The following ABI2 variants were observed in gnomAD, a reference collection of about 807,000 sequenced individuals.
ABI2 encodes the protein abl interactor 2, also known as abelson interactor 2.
ABI2 carries 25 observed loss-of-function variants against 59.2 expected under a neutral mutation model. The ratio of observed to expected loss-of-function variants is 0.42; its 90% confidence interval spans 0.31 to 0.59. The LOEUF is 0.59. ABI2 is among the 20% of genes least tolerant of loss of function. ABI2 has a pLI of 0.14. For missense variants in ABI2, 545 were observed against 681.8 expected (o/e 0.80, Z 2.23); for synonymous variants, 213 against 235.5 (o/e 0.90, Z 0.87).
At chr2:203,374,734 C>G in intron 2 of ABI2, 1 of 417,660 alleles carries the variant, frequency 2.4e-6, no homozygotes, top group East Asian at 7.4e-5. Context: ...TTATTTGAAA[C>G]ATTAGCTTAC....
In ABI2 at chr2:203,351,755, C is replaced by G. The variant is rs184715846; in HGVS notation, c.118-15122C>G. The stretch of plus-strand genomic sequence containing the variant: ...CTCACTTCATTGCTCAGGCTGGTCC[C>G]AAACTCCTGGCCTCAAGCAGTCCTC... On this transcript the variant is annotated intron_variant, in intron 1 of 11. Transcript: ENST00000261018. 794 of 290,242 alleles carry G rather than the reference C, an allele frequency of 2.7e-3. 7 individuals are homozygous for G. The highest frequency in any genetic ancestry group is 0.017 in the African/African-American group (749 of 43,552). The allele number at this position is 290,242 out of a possible 1,614,324, so 18.0% of individuals were successfully genotyped here. A position where few individuals can be genotyped will look rare whatever the true frequency, so the allele number is the denominator to read the frequency against.
intron 1 of ABI2, among the ~76,000 whole-genome samples, chr2:203,332,546 A>G (rs922942883): frequency 6.6e-6 from 1 of 152,154 alleles, no homozygotes; most frequent in Non-Finnish European, 1.5e-5. Flanking sequence ...AATCACTTGA[A>G]CCTGGGAAGC....
intron 11 of ABI2, among the ~76,000 whole-genome samples, chr2:203,422,308 C>G (rs144218999): frequency 0.011 from 1,708 of 152,110 alleles, 19 homozygotes; most frequent in Non-Finnish European, 0.018. Context: ...AAAAAAATAT[C>G]GAGAGTCCCT....
chr2:203,341,192 C>A (rs1257881651), intron 1 of ABI2, among the ~76,000 whole-genome samples: 1 of 152,134 alleles, frequency 6.6e-6, no homozygotes, highest in African/African-American at 2.4e-5. Context: ...TTATACTTAT[C>A]CTTCCATGCT....
At chr2:203,336,678 T>C (rs1265608447) in intron 1 of ABI2, among the ~76,000 whole-genome samples, 2 of 152,172 alleles carry the variant, frequency 1.3e-5, no homozygotes, top group Admixed American at 1.3e-4. Context: ...TTTGTTTTAG[T>C]ATTGCTTTAC....
chr2:203,345,971 G>A (rs527580151), intron 1 of ABI2, among the ~76,000 whole-genome samples: 1 of 151,978 alleles, frequency 6.6e-6, no homozygotes, highest in South Asian at 2.1e-4. Context: ...CCTGAGATCA[G>A]GAGTTTAAGA....
intron 1 of ABI2, among the ~76,000 whole-genome samples, chr2:203,348,703 GAGA>G (rs2085376356): frequency 6.6e-6 from 1 of 151,934 alleles, no homozygotes; most frequent in Non-Finnish European, 1.5e-5. Context: ...CTGTGAAATT[GAGA>G]AGAAGGTACA....
At chr2:203,339,396 A>C (rs940010719) in intron 1 of ABI2, among the ~76,000 whole-genome samples, 2 of 151,878 alleles carry the variant, frequency 1.3e-5, no homozygotes, top group Admixed American at 6.6e-5. Flanking sequence ...CCTGGCCAAT[A>C]TGGTGAAACC....
intron 1 of ABI2, among the ~76,000 whole-genome samples, chr2:203,331,956 C>T (rs1385378903): frequency 1.3e-5 from 2 of 151,680 alleles, no homozygotes; most frequent in African/African-American, 2.4e-5. Context: ...ATTACAGGCA[C>T]GTGCCAACAC....
chr2:203,331,368 T>TTTTTTC (rs2073319181), intron 1 of ABI2, among the ~76,000 whole-genome samples: 2 of 146,706 alleles, frequency 1.4e-5, no homozygotes, highest in Admixed American at 6.9e-5. Flanking sequence ...TTTTTTTTTT[T>TTTTTTC]CTGAGACAGA....
At chr2:203,339,580 C>CAAAAAA (rs943110280) in intron 1 of ABI2, among the ~76,000 whole-genome samples, 2 of 59,056 alleles carry the variant, frequency 3.4e-5, no homozygotes, top group South Asian at 5.2e-4. Flanking sequence ...GACTCCGTCT[C>CAAAAAA]AAAAAAAAAA....
intron 11 of ABI2, among the ~76,000 whole-genome samples, chr2:203,423,748 G>A (rs1257086651): frequency 6.6e-6 from 1 of 152,042 alleles, no homozygotes; most frequent in Non-Finnish European, 1.5e-5. Context: ...TGCTGGCATG[G>A]TACCATTATT....
At chr2:203,412,031 A>G (rs1277169334) in intron 10 of ABI2, among the ~76,000 whole-genome samples, 2 of 152,212 alleles carry the variant, frequency 1.3e-5, no homozygotes, top group Admixed American at 1.3e-4. Flanking sequence ...AGTCTTTGCG[A>G]GGGCCACATC....
chr2:203,408,391 G>T (rs906768223), intron 9 of ABI2, among the ~76,000 whole-genome samples: 6 of 151,836 alleles, frequency 4.0e-5, no homozygotes, highest in Non-Finnish European at 7.4e-5. Flanking sequence ...TTGAACTCCT[G>T]ACCTCAGGTG....
rs2098461666 is a variant in ABI2, at chr2:203,428,888, C to T, written c.*1536C>T. On this transcript the variant is annotated 3_prime_UTR_variant, in exon 12 of 12. Coordinates refer to ENST00000261018, the MANE Select transcript of ABI2 (RefSeq NM_001375670.1). Reference sequence around the variant, plus strand: ...CTAGGTGAAAGGGGAAAAGCAGTAGCTGGATATATTTCAAATGAGGTTTTG... The same window carrying T: ...CTAGGTGAAAGGGGAAAAGCAGTAGTTGGATATATTTCAAATGAGGTTTTG... 1 of 152,184 alleles carries T rather than the reference C, an allele frequency of 6.6e-6. No homozygotes were observed. Among genetic ancestry groups the T allele is most frequent in the Non-Finnish European group, 1.5e-5 (1 of 68,044 alleles). The allele number at this position is 152,184 out of a possible 1,614,324, so 9.4% of individuals were successfully genotyped here. A position where few individuals can be genotyped will look rare whatever the true frequency, so the allele number is the denominator to read the frequency against.
In ABI2 at chr2:203,430,131, G is replaced by A. The variant is rs1365405480; in HGVS notation, c.*2779G>A. 1.3e-5 allele frequency: 2 copies of A among 152,102 alleles called. No individual in the cohort carries two copies. Among genetic ancestry groups the A allele is most frequent in the African/African-American group, 4.8e-5 (2 of 41,424 alleles). 9.4% of individuals were successfully genotyped at this position (152,102 alleles called of 1,614,324 possible). ...CAGTAATTGGAGACTTTTAATGTAT[G>A]TAATATTTCATAGATTGCATGCTAT... On this transcript the variant is annotated 3_prime_UTR_variant, in exon 12 of 12. Transcript: ENST00000261018.
At chr2:203,331,393 C>G in intron 1 of ABI2, among the ~76,000 whole-genome samples, 1 of 122,934 alleles carries the variant, frequency 8.1e-6, no homozygotes, top group East Asian at 2.9e-4. Flanking sequence ...CACTCTGTCG[C>G]CCAGGCTAGA....
intron 11 of ABI2, among the ~76,000 whole-genome samples, chr2:203,418,560 T>C (rs2098023024): frequency 6.6e-6 from 1 of 152,264 alleles, no homozygotes; most frequent in African/African-American, 2.4e-5. Flanking sequence ...GGCTTCTCCG[T>C]AGGGCAGCTC....
intron 11 of ABI2, among the ~76,000 whole-genome samples, chr2:203,425,354 C>A (rs1581107987): frequency 1.3e-5 from 2 of 152,186 alleles, no homozygotes; most frequent in East Asian, 3.9e-4. Flanking sequence ...AGGCGCCCAC[C>A]ACCACGCTTG....
Sources: gnomAD v4.1 joint callset for allele counts (sites outside exome capture counted in the v4.1 genomes callset) on GRCh38, gnomAD v4.1.1 for gene constraint, MANE v1.5 for transcripts, NCBI Gene and HGNC (gene_info 2026-07-23, HGNC 2026-07-21) for gene names.